The following KCNQ3 variants were observed in gnomAD, a reference collection of about 807,000 sequenced individuals.
The protein encoded by KCNQ3 is potassium voltage-gated channel subfamily Q member 3.
Under a neutral mutation model 92.5 loss-of-function variants are expected in KCNQ3, and 30 were observed. That is an observed-to-expected ratio of 0.32 (90% CI 0.24 to 0.44). The LOEUF (loss-of-function observed/expected upper bound fraction) is 0.44. KCNQ3 is among the 20% of genes least tolerant of loss of function. The probability of loss-of-function intolerance (pLI) is 1.00; values close to 1 mark genes in which losing one functional copy is unlikely to be tolerated. For synonymous variants in KCNQ3, 450 were observed against 468.8 expected (o/e 0.96, Z 0.52); for missense variants, 913 against 1,140.3 (o/e 0.80, Z 2.87).
At chr8:132,297,082 C>G (rs994668976) in intron 1 of KCNQ3, among the ~76,000 whole-genome samples, 1 of 152,150 alleles carries the variant, frequency 6.6e-6, no homozygotes, top group African/African-American at 2.4e-5. Context: ...GATCACCATT[C>G]TAACTGGTGT....
At chr8:132,180,961 C>T (rs1563791450) in intron 3 of KCNQ3, among the ~76,000 whole-genome samples, 1 of 152,120 alleles carries the variant, frequency 6.6e-6, no homozygotes, top group Non-Finnish European at 1.5e-5. Flanking sequence ...TTTCTTGCCT[C>T]CTGCTGGTTG....
intron 1 of KCNQ3, among the ~76,000 whole-genome samples, chr8:132,426,296 A>C (rs1265195545): frequency 6.6e-6 from 1 of 152,246 alleles, no homozygotes; most frequent in Non-Finnish European, 1.5e-5. Flanking sequence ...CCTCAGGCAA[A>C]CAACCCTACC....
At chr8:132,132,287 A>G (rs1007402154) in intron 13 of KCNQ3, 23 bp from the exon 14 acceptor site, 1 of 1,572,622 alleles carries the variant, frequency 6.4e-7, no homozygotes, top group Non-Finnish European at 8.8e-7. Context: ...GAACACTTCT[A>G]TAAGATCATT....
intron 1 of KCNQ3, among the ~76,000 whole-genome samples, chr8:132,421,402 C>T (rs1160169811): frequency 6.6e-6 from 1 of 152,124 alleles, no homozygotes; most frequent in East Asian, 1.9e-4. Flanking sequence ...TCATAACTAC[C>T]AGCTGACAAA....
At chr8:132,219,758 T>C (rs1814158611) in intron 1 of KCNQ3, among the ~76,000 whole-genome samples, 1 of 152,192 alleles carries the variant, frequency 6.6e-6, no homozygotes, top group African/African-American at 2.4e-5. Context: ...AAATCCTCTT[T>C]AAGCAGAGCT....
rs963622181 is a variant in KCNQ3 at position 132,480,874 on chromosome 8, GGGCGGCGGCGGCGGC to G, written c.-357_-343del. ...GCGGGAGCCTGGAACCGGCGCTCCG[GGGCGGCGGCGGCGGC>G]GGCGGCACCCAGGCCGGCGAGCCCA... On this transcript the variant is annotated 5_prime_UTR_variant, in exon 1 of 15. Transcript: ENST00000388996. 1 of 154,522 alleles carries G rather than the reference GGGCGGCGGCGGCGGC, an allele frequency of 6.5e-6. No individual in the cohort carries two copies. The highest frequency in any genetic ancestry group is 6.7e-5 in the Admixed American group (1 of 14,972). The allele number at this position is 154,522 out of a possible 1,614,324, so 9.6% of individuals were successfully genotyped here. A position where few individuals can be genotyped will look rare whatever the true frequency, so the allele number is the denominator to read the frequency against.
At position 132,308,548 on chromosome 8, in the gene KCNQ3, T is replaced by G. The variant is rs138693040; in HGVS notation, c.387-122367A>C. On this transcript the variant is annotated intron_variant, in intron 1 of 14. Transcript: ENST00000388996. ...GCCATGTTCTCAGAGTTATTTATCA[T>G]GCTTCACATGAGGGGCACACGTAAG... Among the ~76,000 whole-genome samples the G allele has an allele frequency of 3.2e-3, 487 of 152,286 alleles. 2 individuals carry two copies. The highest frequency in any genetic ancestry group is 0.011 in the African/African-American group (458 of 41,558).
At chr8:132,383,948 T>A (rs961401730) in intron 1 of KCNQ3, among the ~76,000 whole-genome samples, 1 of 152,170 alleles carries the variant, frequency 6.6e-6, no homozygotes. Flanking sequence ...AGGAAAAGCA[T>A]CCAGAGTTTC....
chr8:132,441,087 G>A (rs1393106326), intron 1 of KCNQ3, among the ~76,000 whole-genome samples: 1 of 152,166 alleles, frequency 6.6e-6, no homozygotes, highest in Non-Finnish European at 1.5e-5. Flanking sequence ...TAACTTACCT[G>A]CCCCACATGC....
intron 1 of KCNQ3, among the ~76,000 whole-genome samples, chr8:132,478,120 CT>C (rs1822457210): frequency 6.6e-6 from 1 of 152,200 alleles, no homozygotes; most frequent in Non-Finnish European, 1.5e-5. Context: ...AACTGACTTT[CT>C]TCTCACAAAG....
At position 132,175,531 on chromosome 8, in the gene KCNQ3, G is replaced by A. The variant is rs62519577; in HGVS notation, c.855C>T (p.Asp285=). ...SSFLVYLVEK[D]VPEVDAQGEE... ...CTCCTTGTGCATCCACCTCTGGGAC[G>A]TCTTTCTCAACCAGGTAGACAAGAA... The change falls in exon 5 of 15, where the codon GAC becomes GAT. Residue 285 remains aspartate, a synonymous_variant. Coordinates refer to ENST00000388996, the MANE Select transcript of KCNQ3 (RefSeq NM_004519.4). The A allele has an allele frequency of 3.6e-5, 58 of 1,613,988 alleles. No homozygotes were observed. The highest frequency in any genetic ancestry group is 1.6e-4 in the Middle Eastern group (1 of 6,084).
At chr8:132,315,107 G>A (rs1201276843) in intron 1 of KCNQ3, among the ~76,000 whole-genome samples, 2 of 152,212 alleles carry the variant, frequency 1.3e-5, no homozygotes, top group Non-Finnish European at 2.9e-5. Flanking sequence ...AGTGTTTTAG[G>A]AAGATCACTT....
chr8:132,422,652 C>T (rs1162296429), intron 1 of KCNQ3, among the ~76,000 whole-genome samples: 2 of 152,182 alleles, frequency 1.3e-5, no homozygotes, highest in African/African-American at 4.8e-5. Context: ...CTGACTGGCT[C>T]CCCTTCCGGC....
intron 1 of KCNQ3, among the ~76,000 whole-genome samples, chr8:132,403,792 T>G (rs1246588939): frequency 6.6e-6 from 1 of 152,132 alleles, no homozygotes; most frequent in Non-Finnish European, 1.5e-5. Context: ...CTGCTGGAGA[T>G]AACTCTTTCC....
chr8:132,338,831 C>T (rs532583815), intron 1 of KCNQ3, among the ~76,000 whole-genome samples: 1 of 152,334 alleles, frequency 6.6e-6, no homozygotes, highest in Non-Finnish European at 1.5e-5. Flanking sequence ...GATGTTGAGA[C>T]CTCATGGATA....
intron 1 of KCNQ3, among the ~76,000 whole-genome samples, chr8:132,312,041 C>T (rs530138561): frequency 6.6e-6 from 1 of 152,222 alleles, no homozygotes; most frequent in South Asian, 2.1e-4. Context: ...CATCTACACA[C>T]CAGGGAATGT....
chr8:132,185,306 G>A (rs189828829), intron 2 of KCNQ3, among the ~76,000 whole-genome samples: 41 of 152,364 alleles, frequency 2.7e-4, no homozygotes, highest in African/African-American at 9.1e-4. Flanking sequence ...TGCAGGATGG[G>A]GCCTCACCCC....
intron 1 of KCNQ3, among the ~76,000 whole-genome samples, chr8:132,344,161 TC>T (rs1326463764): frequency 6.6e-6 from 1 of 152,208 alleles, no homozygotes; most frequent in Non-Finnish European, 1.5e-5. Context: ...GGTGATCTCA[TC>T]TGATTATATC....
At chr8:132,456,113 C>T (rs1821933200) in intron 1 of KCNQ3, among the ~76,000 whole-genome samples, 1 of 152,086 alleles carries the variant, frequency 6.6e-6, no homozygotes, top group South Asian at 2.1e-4. Context: ...AAGTCCCTTG[C>T]CTGAGGTCAC....
Sources: gnomAD v4.1 joint callset for allele counts (sites outside exome capture counted in the v4.1 genomes callset) on GRCh38, gnomAD v4.1.1 for gene constraint, MANE v1.5 for transcripts, NCBI Gene and HGNC (gene_info 2026-07-23, HGNC 2026-07-21) for gene names.